MYH15: variants seen among roughly 807,000 people sequenced by gnomAD.
MYH15 encodes myosin heavy chain 15, also known as myosin-15.
In MYH15, 227 loss-of-function variants were observed where a neutral mutation model predicts 240.5. The ratio of observed to expected loss-of-function variants is 0.94; its 90% CI spans 0.85 to 1.05. The LOEUF (loss-of-function observed/expected upper bound fraction) is 1.05. Ranked by LOEUF, MYH15 falls within the 50% of genes least tolerant of loss-of-function variation. The pLI is 0.00. For missense variants in MYH15, 2,217 were observed against 2,247.5 expected, an observed-to-expected ratio of 0.99 and a Z score of 0.27; for synonymous variants, 785 against 796.7, an observed-to-expected ratio of 0.99 and a Z score of 0.25.
chr3:108,397,900 C>T (rs757640127), intron 35 of MYH15, among the ~76,000 whole-genome samples: 9 of 152,048 alleles, frequency 5.9e-5, no homozygotes, highest in Non-Finnish European at 1.2e-4. Flanking sequence ...AATGTTCATC[C>T]CTCCCTCCCC....
chr3:108,416,324 A>G (rs2082632303), intron 29 of MYH15, among the ~76,000 whole-genome samples: 1 of 152,166 alleles, frequency 6.6e-6, no homozygotes, highest in Non-Finnish European at 1.5e-5. Context: ...GGCTCAAAGA[A>G]TTCATATCTC....
rs531213946 is a variant in MYH15 at position 108,406,319 on chromosome 3, C to T, written c.4621-866G>A. 1.5e-3 allele frequency among the ~76,000 whole-genome samples: 223 copies of T among 152,154 alleles called. 2 individuals are homozygous for T. Among genetic ancestry groups the T allele is most frequent in the African/African-American group, 5.0e-3 (207 of 41,492 alleles). The stretch of plus-strand genomic sequence containing the variant: ...AATTTTTTCATAGCCTCTTTTGAGG[C>T]GTGCTTAGCAGATATGACAAAATGT... On this transcript the variant is annotated intron_variant, in intron 32 of 40. Coordinates refer to ENST00000693548, the MANE Select transcript of MYH15 (RefSeq NM_014981.3).
In MYH15 at chr3:108,476,261, C is replaced by T. The variant is rs1294390722; in HGVS notation, c.1233+136G>A. 5.5e-6 allele frequency: 3 copies of T among 541,198 alleles called. No homozygotes were observed. In the East Asian group the frequency reaches 8.8e-5, roughly 16 times the overall value. The allele number at this position is 541,198 out of a possible 1,614,324, so 33.5% of individuals were successfully genotyped here. On this transcript the variant is annotated intron_variant, in intron 12 of 40. Coordinates refer to ENST00000693548, the MANE Select transcript of MYH15 (RefSeq NM_014981.3). ...GTAAAAACATTTGGAATAGTCATCC[C>T]AAGAGCTCTTTTTTGCTTATTTATA...
At chr3:108,416,613 C>G (rs377311616) in intron 29 of MYH15, among the ~76,000 whole-genome samples, 199 bp downstream of exon 29, 18 of 152,140 alleles carry the variant, frequency 1.2e-4, no homozygotes, top group African/African-American at 3.9e-4. Context: ...TGCTCTAAAC[C>G]TGCAACGAAG....
chr3:108,390,049 T>C (rs2082412567), intron 37 of MYH15, among the ~76,000 whole-genome samples: 1 of 152,108 alleles, frequency 6.6e-6, no homozygotes, highest in Non-Finnish European at 1.5e-5. Flanking sequence ...TTTAAAGCAA[T>C]CTTCTGACAC....
chr3:108,441,287 C>T (rs745870547), intron 22 of MYH15, 27 bp from the exon 23 acceptor site: 1 of 1,611,108 alleles, frequency 6.2e-7, no homozygotes, highest in South Asian at 1.1e-5. Context: ...AAAATTGTTG[C>T]CAACAGCTGG....
At chr3:108,502,988 A>T (rs912640729) in intron 2 of MYH15, among the ~76,000 whole-genome samples, 1 of 152,086 alleles carries the variant, frequency 6.6e-6, no homozygotes, top group African/African-American at 2.4e-5. Context: ...TTTCATCAAT[A>T]AGTAGTACTT....
intron 35 of MYH15, among the ~76,000 whole-genome samples, chr3:108,396,351 G>GA (rs2082460792): frequency 8.1e-6 from 1 of 123,622 alleles, no homozygotes; most frequent in Admixed American, 8.4e-5. Flanking sequence ...GGGTTGGGGG[G>GA]AGACGGTTTG....
At chr3:108,443,821 C>T (rs1425117798) in intron 22 of MYH15, among the ~76,000 whole-genome samples, 1 of 150,900 alleles carries the variant, frequency 6.6e-6, no homozygotes, top group Non-Finnish European at 1.5e-5. Flanking sequence ...CACACAGAGT[C>T]TGCTTAATCA....
At position 108,464,084 on chromosome 3, in the gene MYH15, G is replaced by A. The variant is rs148323282; in HGVS notation, c.1731+554C>T. Among the ~76,000 whole-genome samples the A allele has an allele frequency of 1.4e-3, 206 of 152,190 alleles. 1 individual carries two copies. The highest frequency in any genetic ancestry group is 4.0e-3 in the African/African-American group (168 of 41,506). On this transcript the variant is annotated intron_variant, in intron 15 of 40. Coordinates refer to ENST00000693548, the MANE Select transcript of MYH15 (RefSeq NM_014981.3). ...ACAGCTGGCAGGCCATTTTTAGGTC[G>A]AAGTATTATTTTATCTTTTATCAAT...
chr3:108,467,815 T>C (rs1045459388), intron 14 of MYH15, among the ~76,000 whole-genome samples: 1 of 152,244 alleles, frequency 6.6e-6, no homozygotes, highest in Admixed American at 6.5e-5. Flanking sequence ...CTAAACAAAC[T>C]AGAATATTTC....
chr3:108,455,589 T>C (rs9865414), intron 20 of MYH15, 147 bp downstream of exon 20: 231,984 of 935,060 alleles, frequency 0.25, 33,069 homozygotes, highest in Non-Finnish European at 0.3. Flanking sequence ...AGCACCGAAG[T>C]TTTCACCTTC....
chr3:108,413,213 C>T (rs2082607956), intron 30 of MYH15, among the ~76,000 whole-genome samples: 1 of 152,178 alleles, frequency 6.6e-6, no homozygotes. Flanking sequence ...CATCTCAGTT[C>T]AAAGCCAAAA....
At chr3:108,549,251 A>T in the MYH15 span, among the ~76,000 whole-genome samples, 1 of 151,940 alleles carries the variant, frequency 6.6e-6, no homozygotes, top group Non-Finnish European at 1.5e-5. Context: ...TTTAGAAAAA[A>T]AATATTTACA....
Position 108,500,162 on chromosome 3 carries a change from T to G in MYH15, c.452A>C (p.His151Pro), listed in dbSNP as rs1317408466. 3.1e-6 allele frequency: 5 copies of G among 1,614,082 alleles called. No individual in the cohort carries two copies. The highest frequency in any genetic ancestry group is 4.2e-6 in the Non-Finnish European group (5 of 1,179,950). Residue 151 changes from histidine to proline, a missense_variant, in exon 4 of 41, where the codon CAC becomes CCC. His to Pro is a moderately conservative substitution (Grantham distance 77). Transcript: ENST00000693548. Reference protein sequence around the residue: ...KGKRRSEAPPHIFAVANNAFQ... With the variant: ...KGKRRSEAPPPIFAVANNAFQ... ...GGCGTTATTGGCAACAGCAAAGATG[T>G]GAGGGGGAGCCTCTGATCGCCTCTT... is the stretch of plus-strand genomic sequence containing the variant.
At chr3:108,512,343 G>A (rs2083527914), upstream of MYH15, among the ~76,000 whole-genome samples, 1 of 152,162 alleles carries the variant, frequency 6.6e-6, no homozygotes, top group East Asian at 1.9e-4. Context: ...GAGGAAAGCA[G>A]TATTTTGGGA....
At chr3:108,451,672 A>G (rs1003516602) in intron 21 of MYH15, among the ~76,000 whole-genome samples, 3 of 152,184 alleles carry the variant, frequency 2.0e-5, no homozygotes, top group African/African-American at 7.2e-5. Context: ...TATGAGGTTA[A>G]GATAACCTTG....
intron 1 of MYH15, among the ~76,000 whole-genome samples, chr3:108,518,399 A>T (rs1313712984): frequency 6.6e-6 from 1 of 152,166 alleles, no homozygotes; most frequent in Non-Finnish European, 1.5e-5. Context: ...ATCTGGATCA[A>T]GGCCATCATC....
At chr3:108,448,475 T>C (rs1296724706) in intron 21 of MYH15, among the ~76,000 whole-genome samples, 2 of 152,032 alleles carry the variant, frequency 1.3e-5, no homozygotes, top group African/African-American at 4.8e-5. Context: ...ATAAAATATA[T>C]ATAAGTCAAA....
Sources: allele counts gnomAD v4.1 joint callset (sites outside exome capture counted in the v4.1 genomes callset), GRCh38; gene constraint gnomAD v4.1.1; transcripts MANE v1.5; gene names NCBI Gene and HGNC (gene_info 2026-07-23, HGNC 2026-07-21).